NDUFAF5: variants seen among roughly 807,000 people sequenced by gnomAD.
The protein encoded by NDUFAF5 is arginine-hydroxylase NDUFAF5, mitochondrial.
In NDUFAF5, 34 loss-of-function variants were observed where a neutral mutation model predicts 48.9. That is an observed-to-expected ratio of 0.70 (90% confidence interval 0.53 to 0.93). The LOEUF is 0.93. NDUFAF5 is among the 40% of genes least tolerant of loss of function. The probability of loss-of-function intolerance (pLI) is 0.00; values close to 1 mark genes in which losing one functional copy is unlikely to be tolerated. For synonymous variants in NDUFAF5, 153 were observed against 150.6 expected, an observed-to-expected ratio of 1.02 and a Z score of -0.12; for missense variants, 428 against 427.5, an observed-to-expected ratio of 1.00 and a Z score of -0.01.
chr20:13,809,191 G>T (rs1985505249), intron 8 of NDUFAF5, among the ~76,000 whole-genome samples: 1 of 152,204 alleles, frequency 6.6e-6, no homozygotes, highest in African/African-American at 2.4e-5. Context: ...TTTGTAAAAA[G>T]ATGGCGGGAC....
intron 4 of NDUFAF5, among the ~76,000 whole-genome samples, chr20:13,793,722 A>G (rs1426426301): frequency 1.3e-5 from 2 of 152,136 alleles, no homozygotes; most frequent in African/African-American, 2.4e-5. Context: ...TGTATGTTTG[A>G]TTTATTTTTT....
At chr20:13,788,871 T>A (rs985201493) in intron 3 of NDUFAF5, among the ~76,000 whole-genome samples, 3 of 152,142 alleles carry the variant, frequency 2.0e-5, no homozygotes, top group Admixed American at 6.5e-5. Context: ...TTATATATTA[T>A]GTTTCTACCG....
chr20:13,795,942 TA>T (rs1983145272), intron 5 of NDUFAF5, among the ~76,000 whole-genome samples: 1 of 152,232 alleles, frequency 6.6e-6, no homozygotes, highest in Non-Finnish European at 1.5e-5. Flanking sequence ...TCAAATAGGT[TA>T]TAGGATACAA....
At chr20:13,788,493 T>C in intron 2 of NDUFAF5, 96 bp from the exon 3 acceptor site, 1 of 920,026 alleles carries the variant, frequency 1.1e-6, no homozygotes, top group Non-Finnish European at 1.8e-6. Context: ...CTTCTGGAAG[T>C]TGTGTTTACT....
Position 13,787,360 on chromosome 20 carries a change from G to A in NDUFAF5, c.263+8G>A, listed in dbSNP as rs200867652. 155 of 1,613,524 alleles carry A rather than the reference G, an allele frequency of 9.6e-5. 2 individuals are homozygous for A. In the South Asian group the frequency reaches 1.6e-3, roughly 17 times the overall value. Reference sequence around the variant, plus strand: ...TGTATATGACATACCCAGGTAAGTGGTGGTGATCATAATACAATACCATCA... The same window carrying A: ...TGTATATGACATACCCAGGTAAGTGATGGTGATCATAATACAATACCATCA... On this transcript the variant is annotated splice_region_variant and intron_variant, in intron 2 of 10. Transcript: ENST00000378106.
In NDUFAF5 at chr20:13,785,112, G is replaced by C; in HGVS notation, c.44G>C (p.Trp15Ser). Residue 15 changes from tryptophan (W) to serine (S), a missense_variant, in exon 1 of 11, where the codon TGG becomes TCG. Physicochemically the swap from Trp to Ser is radical, Grantham distance 177. Transcript: ENST00000378106. ...CTCTGGCGCTTATGTCGGCGACCTT[G>C]GGCGGCGAGGGTCCCAGCGGAGAAT... ...AGLWRLCRRP[W>S]AARVPAENLG... The C allele has an allele frequency of 6.2e-7, 1 of 1,613,608 alleles. No individual in the cohort carries two copies. Among genetic ancestry groups the C allele is most frequent in the Non-Finnish European group, 8.5e-7 (1 of 1,179,934 alleles).
chr20:13,798,420 T>C, intron 5 of NDUFAF5, 41 bp from the exon 6 acceptor site: 1 of 1,453,758 alleles, frequency 6.9e-7, no homozygotes, highest in Non-Finnish European at 9.7e-7. Flanking sequence ...TAATTAATTG[T>C]GCCAGTTAAG....
rs1317442984 is a variant in NDUFAF5 at position 13,819,216 on chromosome 20, C to T, written c.*2006C>T. 6.6e-6 allele frequency: 1 copy of T among 152,116 alleles called. No homozygotes were observed. The highest frequency in any genetic ancestry group is 1.5e-5 in the Non-Finnish European group (1 of 68,010). 9.4% of individuals were successfully genotyped at this position (152,116 alleles called of 1,614,324 possible). ...TGGAGCCCTCAGGAAACTAATTTTTCTGAATAACCACATTTTCCAAATGAT... is the reference window on the plus strand; with the variant it reads ...TGGAGCCCTCAGGAAACTAATTTTTTTGAATAACCACATTTTCCAAATGAT... On this transcript the variant is annotated 3_prime_UTR_variant, in exon 11 of 11. Coordinates refer to ENST00000378106, the MANE Select transcript of NDUFAF5 (RefSeq NM_024120.5).
Position 13,793,034 on chromosome 20 carries a change from G to A in NDUFAF5, c.328-146G>A. 5 of 804,166 alleles carry A rather than the reference G, an allele frequency of 6.2e-6. No individual in the cohort carries two copies. In the South Asian group the frequency reaches 7.3e-5, roughly 12 times the overall value. The allele number at this position is 804,166 out of a possible 1,614,324, so 49.8% of individuals were successfully genotyped here. A position where few individuals can be genotyped will look rare whatever the true frequency, so the allele number is the denominator to read the frequency against. On this transcript the variant is annotated intron_variant, in intron 3 of 10. Coordinates refer to ENST00000378106, the MANE Select transcript of NDUFAF5 (RefSeq NM_024120.5). The stretch of plus-strand genomic sequence containing the variant: ...TAGCAAAGGATATGTGTTATTAAAA[G>A]TATTTGTGTACCATACTGGTTTTAT...
chr20:13,794,786 A>T, intron 4 of NDUFAF5, 52 bp from the exon 5 acceptor site: 1 of 1,046,506 alleles, frequency 9.6e-7, no homozygotes, highest in Non-Finnish European at 1.5e-6. Flanking sequence ...TTGTGTTAGT[A>T]ATTGAGATTC....
At chr20:13,792,448 A>G (rs1460863087) in intron 3 of NDUFAF5, among the ~76,000 whole-genome samples, 1 of 152,230 alleles carries the variant, frequency 6.6e-6, no homozygotes, top group Non-Finnish European at 1.5e-5. Context: ...CACAGACTGC[A>G]GATAGTGTTA....
intron 8 of NDUFAF5, chr20:13,816,048 T>C (rs886232174): frequency 2.4e-5 from 7 of 287,648 alleles, no homozygotes; most frequent in Admixed American, 8.7e-5. Context: ...CATTATGGCT[T>C]AGGAGTGAGG....
intron 3 of NDUFAF5, 91 bp downstream of exon 3, chr20:13,788,743 A>C: frequency 1.2e-6 from 1 of 817,022 alleles, no homozygotes; most frequent in Non-Finnish European, 2.0e-6. Context: ...CTTGCAACAT[A>C]TTTAGATTTT....
Position 13,817,983 on chromosome 20 carries a change from A to G in NDUFAF5, c.*773A>G. Reference sequence around the variant, plus strand: ...TAGAGGAAGCAGGGAGAAGGCTGAGAAGCAAGCAGGAGTGAGCGCTAAGTG... The same window carrying G: ...TAGAGGAAGCAGGGAGAAGGCTGAGGAGCAAGCAGGAGTGAGCGCTAAGTG... On this transcript the variant is annotated 3_prime_UTR_variant, in exon 11 of 11. Transcript: ENST00000378106. 2.2e-6 allele frequency: 1 copy of G among 454,160 alleles called. No homozygotes were observed. The highest frequency in any genetic ancestry group is 4.4e-6 in the Non-Finnish European group (1 of 226,794). The allele number at this position is 454,160 out of a possible 1,614,324, so 28.1% of individuals were successfully genotyped here.
chr20:13,801,390 T>G, intron 6 of NDUFAF5, 96 bp from the exon 7 acceptor site: 1 of 710,836 alleles, frequency 1.4e-6, no homozygotes, highest in Non-Finnish European at 2.2e-6. Context: ...ATAAAAGTGG[T>G]TGTCATAAAA....
intron 4 of NDUFAF5, 35 bp from the exon 5 acceptor site, chr20:13,794,803 A>T (rs759617835): frequency 8.2e-7 from 1 of 1,221,062 alleles, no homozygotes; most frequent in East Asian, 2.3e-5. Flanking sequence ...ATTCTACATA[A>T]ATGTGATTTT....
chr20:13,794,686 T>C (rs1291594138), intron 4 of NDUFAF5, 152 bp from the exon 5 acceptor site: 7 of 658,880 alleles, frequency 1.1e-5, no homozygotes, highest in Non-Finnish European at 1.9e-5. Context: ...TAAGAAATGC[T>C]TTTTGGGTGC....
At chr20:13,794,736 C>A in intron 4 of NDUFAF5, 102 bp from the exon 5 acceptor site, 1 of 814,250 alleles carries the variant, frequency 1.2e-6, no homozygotes, top group Non-Finnish European at 2.1e-6. Flanking sequence ...TAGAAACTGC[C>A]AAGTAAATAT....
At chr20:13,797,160 A>C (rs974949969) in intron 5 of NDUFAF5, among the ~76,000 whole-genome samples, 11 of 152,242 alleles carry the variant, frequency 7.2e-5, no homozygotes, top group African/African-American at 2.7e-4. Flanking sequence ...GAAATGGTAC[A>C]GGCACTTTGC....
Sources: gnomAD v4.1 joint callset for allele counts (sites outside exome capture counted in the v4.1 genomes callset) on GRCh38, gnomAD v4.1.1 for gene constraint, MANE v1.5 for transcripts, NCBI Gene and HGNC (gene_info 2026-07-23, HGNC 2026-07-21) for gene names.